The following PCDHA13 variants were observed in gnomAD, a reference collection of about 807,000 sequenced individuals.
The protein encoded by PCDHA13 is protocadherin alpha 13.
PCDHA13 carries 54 observed loss-of-function variants against 64.8 expected under a neutral mutation model. The observed-to-expected ratio is 0.83, with a 90% CI of 0.67 to 1.04. The LOEUF (loss-of-function observed/expected upper bound fraction) is 1.04. Among genes scored for constraint, PCDHA13 ranks in the 50% least tolerant of loss-of-function variants. PCDHA13 has a pLI of 0.00. For missense variants in PCDHA13, 1,248 were observed against 1,254.3 expected (o/e 0.99, Z 0.08); for synonymous variants, 587 against 564.4 (o/e 1.04, Z -0.57).
intron 1 of PCDHA13, among the ~76,000 whole-genome samples, chr5:140,914,069 A>G (rs1042316751): frequency 2.8e-4 from 43 of 152,216 alleles, no homozygotes; most frequent in Non-Finnish European, 5.6e-4. Context: ...GAAATGCTCC[A>G]TAACTATCTA....
chr5:140,907,914 T>A (rs2073690399), intron 1 of PCDHA13, among the ~76,000 whole-genome samples: 4 of 152,242 alleles, frequency 2.6e-5, no homozygotes, highest in Admixed American at 1.3e-4. Context: ...TTTTGACCAC[T>A]CAGAGAGGTC....
intron 1 of PCDHA13, among the ~76,000 whole-genome samples, chr5:140,947,689 G>A (rs1276078725): frequency 2.0e-5 from 3 of 151,490 alleles, no homozygotes; most frequent in African/African-American, 4.8e-5. Context: ...GTCTCAGCAT[G>A]TTCTGTAGTT....
intron 1 of PCDHA13, among the ~76,000 whole-genome samples, chr5:140,920,730 G>A (rs902169780): frequency 6.6e-6 from 1 of 152,058 alleles, no homozygotes; most frequent in Non-Finnish European, 1.5e-5. Context: ...TGCAGTCCCA[G>A]CTACTCAGGA....
In PCDHA13 at chr5:140,884,038, G is replaced by A. The variant is rs1554181095; in HGVS notation, c.1770G>A (p.Val590=). The A allele has an allele frequency of 6.2e-7, 1 of 1,613,432 alleles. No individual in the cohort carries two copies. Among genetic ancestry groups the A allele is most frequent in the South Asian group, 1.1e-5 (1 of 91,052 alleles). The change falls in exon 1 of 4, where the codon GTG becomes GTA. Residue 590 remains valine (V), a synonymous_variant. Transcript: ENST00000289272. The stretch of plus-strand genomic sequence containing the variant: ...CGCGGTCGGTGGGTGCAGGCCACGT[G>A]GTGGCGAAGGTGCGCGCGGTGGACG... ...LMPRSVGAGH[V]VAKVRAVDAD... is the part of the protein sequence containing the mutation.
intron 1 of PCDHA13, among the ~76,000 whole-genome samples, chr5:140,975,613 A>G (rs1482474647): frequency 1.3e-5 from 2 of 152,226 alleles, no homozygotes; most frequent in Non-Finnish European, 2.9e-5. Context: ...TGTCTTCCAC[A>G]TGGATTTCCA....
chr5:140,987,149 G>A (rs1380803903), intron 3 of PCDHA13, among the ~76,000 whole-genome samples: 1 of 151,884 alleles, frequency 6.6e-6, no homozygotes, highest in African/African-American at 2.4e-5. Context: ...GGGAGGTGGA[G>A]GTTGCAGTGA....
rs2154002003 is a variant in PCDHA13, at chr5:141,010,389, G to GAC, written c.*453_*454dup. The stretch of plus-strand genomic sequence containing the variant: ...TATGCGAGTGCCAGATATTGGCTGA[G>GAC]ACGAGCCAGCTTAGACTAATTGGTA... On this transcript the variant is annotated 3_prime_UTR_variant, in exon 4 of 4. Coordinates refer to ENST00000289272, the MANE Select transcript of PCDHA13 (RefSeq NM_018904.3). 1.4e-6 allele frequency: 2 copies of GAC among 1,400,314 alleles called. No individual in the cohort carries two copies. The highest frequency in any genetic ancestry group is 5.0e-5 in the East Asian group (2 of 40,030). The allele number at this position is 1,400,314 out of a possible 1,614,324, so 86.7% of individuals were successfully genotyped here. A position where few individuals can be genotyped will look rare whatever the true frequency, so the allele number is the denominator to read the frequency against.
chr5:140,975,964 T>C (rs1554237162), intron 1 of PCDHA13, among the ~76,000 whole-genome samples: 2 of 152,218 alleles, frequency 1.3e-5, no homozygotes, highest in South Asian at 2.1e-4. Flanking sequence ...TCTTCACCAA[T>C]AGAAAGTAAG....
intron 1 of PCDHA13, among the ~76,000 whole-genome samples, chr5:140,922,031 G>T (rs933616833): frequency 6.6e-6 from 1 of 152,010 alleles, no homozygotes; most frequent in African/African-American, 2.4e-5. Context: ...TATAAAAAAT[G>T]TAATTTTCCC....
intron 1 of PCDHA13, among the ~76,000 whole-genome samples, chr5:140,892,776 T>C (rs2063665865): frequency 6.6e-6 from 1 of 152,224 alleles, no homozygotes; most frequent in East Asian, 1.9e-4. Flanking sequence ...TTCTAGCTTC[T>C]TGAAAATATG....
chr5:140,986,371 G>T (rs1453761888), intron 3 of PCDHA13, among the ~76,000 whole-genome samples: 2 of 152,116 alleles, frequency 1.3e-5, no homozygotes, highest in African/African-American at 2.4e-5. Flanking sequence ...AATGCGTTTT[G>T]GGGGGAGGGA....
At chr5:140,975,283 A>G (rs1554236730) in intron 1 of PCDHA13, among the ~76,000 whole-genome samples, 1 of 152,122 alleles carries the variant, frequency 6.6e-6, no homozygotes, top group Non-Finnish European at 1.5e-5. Context: ...TGACCTCTAG[A>G]CCCAGATTTA....
At chr5:141,003,517 T>C (rs538562882) in intron 3 of PCDHA13, among the ~76,000 whole-genome samples, 1 of 152,238 alleles carries the variant, frequency 6.6e-6, no homozygotes, top group East Asian at 1.9e-4. Context: ...TTCACCATGT[T>C]CCCTAGGCTG....
chr5:140,963,207 CCT>C (rs1246984290), intron 1 of PCDHA13, among the ~76,000 whole-genome samples: 4 of 148,438 alleles, frequency 2.7e-5, no homozygotes, highest in East Asian at 1.9e-4. Flanking sequence ...AAAAAAAAAA[CCT>C]CGTGTTTAGA....
intron 1 of PCDHA13, among the ~76,000 whole-genome samples, chr5:140,925,793 A>G (rs1261267937): frequency 6.6e-6 from 1 of 152,074 alleles, no homozygotes; most frequent in African/African-American, 2.4e-5. Context: ...GTATCTCAGT[A>G]CTTTCCCCTC....
chr5:140,929,517 A>G, intron 1 of PCDHA13: 1 of 761,634 alleles, frequency 1.3e-6, no homozygotes, highest in Non-Finnish European at 1.9e-6. Context: ...CAAGGGACTT[A>G]TAGTTTATTT....
chr5:140,920,612 G>A (rs1389841013), intron 1 of PCDHA13, among the ~76,000 whole-genome samples: 3 of 152,092 alleles, frequency 2.0e-5, no homozygotes, highest in Non-Finnish European at 2.9e-5. Flanking sequence ...TTGGGAGGCC[G>A]AGGCGGATGG....
At chr5:140,947,635 G>A (rs1170525936) in intron 1 of PCDHA13, among the ~76,000 whole-genome samples, 1 of 151,538 alleles carries the variant, frequency 6.6e-6, no homozygotes, top group African/African-American at 2.4e-5. Context: ...TCATCAGATC[G>A]TATGAACATA....
intron 1 of PCDHA13, among the ~76,000 whole-genome samples, chr5:140,976,886 AC>A (rs2096735847): frequency 6.6e-6 from 1 of 152,232 alleles, no homozygotes; most frequent in African/African-American, 2.4e-5. Flanking sequence ...GAATTAGGAT[AC>A]ATGCAACAGT....
Sources: gnomAD v4.1 joint callset for allele counts (sites outside exome capture counted in the v4.1 genomes callset) on GRCh38, gnomAD v4.1.1 for gene constraint, MANE v1.5 for transcripts, NCBI Gene and HGNC (gene_info 2026-07-23, HGNC 2026-07-21) for gene names.